DLG2: variants seen among roughly 807,000 people sequenced by gnomAD.
DLG2 encodes discs large MAGUK scaffold protein 2, also known as disks large homolog 2.
A neutral mutation model predicts 132.5 loss-of-function variants in DLG2; 45 were observed. The observed-to-expected ratio is 0.34, with a 90% CI of 0.27 to 0.44. The LOEUF (loss-of-function observed/expected upper bound fraction) is 0.44, where lower values mean the gene tolerates loss of function less well. DLG2 is among the 20% of genes least tolerant of loss of function. The probability of loss-of-function intolerance (pLI) is 1.00; values close to 1 mark genes in which losing one functional copy is unlikely to be tolerated. For synonymous variants in DLG2, 424 were observed against 419.6 expected (o/e 1.01, Z -0.13); for missense variants, 1,045 against 1,196.9 (o/e 0.87, Z 1.87).
intron 19 of DLG2, among the ~76,000 whole-genome samples, chr11:83,604,380 A>G (rs984431805): frequency 1.3e-5 from 2 of 152,166 alleles, no homozygotes; most frequent in Non-Finnish European, 2.9e-5. Context: ...TTCTGAGAAT[A>G]TATTTTTCTT....
intron 18 of DLG2, among the ~76,000 whole-genome samples, chr11:83,723,252 C>T (rs980745513): frequency 6.6e-6 from 1 of 152,010 alleles, no homozygotes; most frequent in Admixed American, 6.6e-5. Flanking sequence ...TGGGGGCGGG[C>T]ACCTGTAATC....
At chr11:85,467,199 G>A (rs960811173) in intron 3 of DLG2, among the ~76,000 whole-genome samples, 6 of 152,188 alleles carry the variant, frequency 3.9e-5, no homozygotes, top group East Asian at 3.8e-4. Context: ...TCAGCTTAAG[G>A]AGATTTTGGG....
At chr11:85,513,458 A>G (rs955450767) in intron 3 of DLG2, among the ~76,000 whole-genome samples, 1 of 152,102 alleles carries the variant, frequency 6.6e-6, no homozygotes. Context: ...TGAGATGTCA[A>G]TAGTGAGCAA....
At chr11:85,606,398 T>G (rs2080544119) in intron 2 of DLG2, among the ~76,000 whole-genome samples, 1 of 152,170 alleles carries the variant, frequency 6.6e-6, no homozygotes, top group Non-Finnish European at 1.5e-5. Context: ...GCTAAAGGAT[T>G]GTAAATGCAC....
intron 6 of DLG2, among the ~76,000 whole-genome samples, chr11:84,971,482 T>A (rs919451329): frequency 4.7e-4 from 72 of 152,176 alleles, no homozygotes; most frequent in African/African-American, 1.4e-3. Flanking sequence ...GAAACGAGAA[T>A]TGTAGAAACA....
chr11:85,503,040 A>G (rs1255903608), intron 3 of DLG2, among the ~76,000 whole-genome samples: 1 of 152,154 alleles, frequency 6.6e-6, no homozygotes, highest in African/African-American at 2.4e-5. Context: ...GAAACTCATA[A>G]GCATACTCCC....
At chr11:84,185,060 T>C (rs2096247367) in intron 8 of DLG2, among the ~76,000 whole-genome samples, 1 of 152,204 alleles carries the variant, frequency 6.6e-6, no homozygotes, top group Non-Finnish European at 1.5e-5. Flanking sequence ...GCAGGCTCTT[T>C]TTTGGTTCCA....
At chr11:84,015,617 T>C (rs1441083104) in intron 11 of DLG2, among the ~76,000 whole-genome samples, 1 of 152,164 alleles carries the variant, frequency 6.6e-6, no homozygotes, top group African/African-American at 2.4e-5. Flanking sequence ...CTCCCAGTTA[T>C]AAGTGGGAAC....
intron 18 of DLG2, among the ~76,000 whole-genome samples, chr11:83,663,383 T>C (rs7105048): frequency 6.6e-6 from 1 of 151,970 alleles, no homozygotes; most frequent in Admixed American, 6.6e-5. Flanking sequence ...AGGTTAAGAG[T>C]TGTTTGTATT....
At chr11:85,077,462 CT>C (rs2066694673) in intron 6 of DLG2, among the ~76,000 whole-genome samples, 1 of 151,898 alleles carries the variant, frequency 6.6e-6, no homozygotes, top group African/African-American at 2.4e-5. Flanking sequence ...CAAGTGCCTG[CT>C]TCTTAAATTT....
chr11:85,078,226 TG>T (rs2066798604), intron 6 of DLG2, among the ~76,000 whole-genome samples: 1 of 149,120 alleles, frequency 6.7e-6, no homozygotes, highest in Non-Finnish European at 1.5e-5. Context: ...ATAAGTGCAA[TG>T]GAGAAAAATA....
chr11:84,161,976 C>T (rs183336014), intron 9 of DLG2, among the ~76,000 whole-genome samples: 61 of 152,132 alleles, frequency 4.0e-4, no homozygotes, highest in Admixed American at 6.6e-4. Flanking sequence ...TAAGTTTCAA[C>T]GTATATTTTG....
intron 19 of DLG2, among the ~76,000 whole-genome samples, chr11:83,627,956 G>A (rs1335841573): frequency 1.3e-5 from 2 of 152,182 alleles, no homozygotes; most frequent in African/African-American, 2.4e-5. Flanking sequence ...GCATTTCTCT[G>A]ATGGCCAGTG....
chr11:85,290,200 C>T (rs764943543), intron 3 of DLG2, among the ~76,000 whole-genome samples: 2 of 152,236 alleles, frequency 1.3e-5, no homozygotes, highest in Non-Finnish European at 2.9e-5. Flanking sequence ...GTTTAGATTA[C>T]ATTTTTATGT....
At chr11:83,881,118 A>G (rs562492715) in intron 15 of DLG2, among the ~76,000 whole-genome samples, 13 of 152,320 alleles carry the variant, frequency 8.5e-5, no homozygotes, top group African/African-American at 3.1e-4. Context: ...GTAGAAATGA[A>G]CTCATAGTTC....
chr11:84,160,078 T>G (rs1413801666), intron 9 of DLG2, among the ~76,000 whole-genome samples: 4 of 152,118 alleles, frequency 2.6e-5, no homozygotes, highest in Non-Finnish European at 5.9e-5. Context: ...ACTGCACAGT[T>G]AGACATATAC....
chr11:84,765,261 G>T (rs1286130132), intron 6 of DLG2, among the ~76,000 whole-genome samples: 1 of 151,994 alleles, frequency 6.6e-6, no homozygotes, highest in Admixed American at 6.6e-5. Flanking sequence ...TATAGTCCCT[G>T]TTTCTACACC....
chr11:84,065,202 A>T (rs1187376817), intron 10 of DLG2, among the ~76,000 whole-genome samples: 4 of 152,196 alleles, frequency 2.6e-5, no homozygotes, highest in Non-Finnish European at 5.9e-5. Context: ...TTACAACAAA[A>T]CCAAAAATTG....
chr11:83,699,334 T>C (rs939755498), intron 18 of DLG2, among the ~76,000 whole-genome samples: 2 of 152,142 alleles, frequency 1.3e-5, no homozygotes, highest in Non-Finnish European at 2.9e-5. Flanking sequence ...TCCACACTTG[T>C]AAGAAAGAAT....
Sources: allele counts gnomAD v4.1 joint callset (sites outside exome capture counted in the v4.1 genomes callset), GRCh38; gene constraint gnomAD v4.1.1; transcripts MANE v1.5; gene names NCBI Gene and HGNC (gene_info 2026-07-23, HGNC 2026-07-21).